The following TMTC1 variants were observed in gnomAD, a reference collection of about 807,000 sequenced individuals.
TMTC1 encodes transmembrane O-mannosyltransferase targeting cadherins 1.
Under a neutral mutation model 104.8 loss-of-function variants are expected in TMTC1, and 73 were observed. The observed-to-expected ratio is 0.70, with a 90% CI of 0.58 to 0.85. The LOEUF (loss-of-function observed/expected upper bound fraction) is 0.85. TMTC1 is among the 40% of genes least tolerant of loss of function. The probability of loss-of-function intolerance (pLI) is 0.00; values close to 1 mark genes in which losing one functional copy is unlikely to be tolerated. For missense variants in TMTC1, 1,035 were observed against 1,096.1 expected (o/e 0.94, Z 0.79); for synonymous variants, 434 against 428.7 (o/e 1.01, Z -0.15).
At chr12:29,517,986 A>C (rs1234402154) in intron 13 of TMTC1, among the ~76,000 whole-genome samples, 1 of 152,136 alleles carries the variant, frequency 6.6e-6, no homozygotes, top group Non-Finnish European at 1.5e-5. Flanking sequence ...AAGTGCTGGG[A>C]TTACAGGCAT....
chr12:29,652,414 G>A (rs1161230641), intron 5 of TMTC1, among the ~76,000 whole-genome samples: 1 of 152,234 alleles, frequency 6.6e-6, no homozygotes, highest in African/African-American at 2.4e-5. Flanking sequence ...ACAGAGCAGA[G>A]TTACCGCCTC....
chr12:29,632,132 C>T (rs1938329451), intron 6 of TMTC1, among the ~76,000 whole-genome samples: 1 of 152,106 alleles, frequency 6.6e-6, no homozygotes, highest in Non-Finnish European at 1.5e-5. Context: ...TGTTTCTTTC[C>T]CAAACCAAAT....
intron 10 of TMTC1, 37 bp downstream of exon 10, chr12:29,556,820 G>T (rs373149669): frequency 1.3e-4 from 215 of 1,611,500 alleles, no homozygotes; most frequent in Non-Finnish European, 1.8e-4. Context: ...TCTTGGAATC[G>T]CAAGGCCACC....
Position 29,583,520 on chromosome 12 carries a change from C to T in TMTC1, c.1305G>A (p.Leu435=). Residue 435 remains leucine (L), a synonymous_variant, in exon 8 of 18, where the codon CTG becomes CTA. Coordinates refer to ENST00000539277, the MANE Select transcript of TMTC1 (RefSeq NM_001193451.2). The part of the protein sequence containing the change: ...VHGLSKLCTW[L]NRCGATTLIV... ...TCAGGGTGGTGGCCCCACATCGATTCAGCCAAGTGCAGAGCTTGCTCAGTC... is the reference window on the plus strand; with the variant it reads ...TCAGGGTGGTGGCCCCACATCGATTTAGCCAAGTGCAGAGCTTGCTCAGTC... The T allele has an allele frequency of 6.2e-7, 1 of 1,613,844 alleles. No individual in the cohort carries two copies. The highest frequency in any genetic ancestry group is 2.2e-5 in the East Asian group (1 of 44,822).
At position 29,737,134 on chromosome 12, in the gene TMTC1, G is replaced by A. The variant is rs558055105; in HGVS notation, c.938+14532C>T. On this transcript the variant is annotated intron_variant, in intron 5 of 17. Coordinates refer to ENST00000539277, the MANE Select transcript of TMTC1 (RefSeq NM_001193451.2). ...GAAGAATGACTTTCTGAAAAGTGCTGAGCCGGGTGCTCTGAACAGAGACAT... is the reference window on the plus strand; with the variant it reads ...GAAGAATGACTTTCTGAAAAGTGCTAAGCCGGGTGCTCTGAACAGAGACAT... 2.0e-5 allele frequency among the ~76,000 whole-genome samples: 3 copies of A among 152,340 alleles called. No individual in the cohort carries two copies. In the South Asian group the frequency reaches 6.2e-4, roughly 32 times the overall value.
At chr12:29,725,744 A>T (rs936825847) in intron 5 of TMTC1, among the ~76,000 whole-genome samples, 2 of 152,222 alleles carry the variant, frequency 1.3e-5, no homozygotes, top group African/African-American at 2.4e-5. Flanking sequence ...TTGATCTGCT[A>T]TTTCACAATG....
chr12:29,531,832 T>C (rs1174397590), intron 11 of TMTC1, among the ~76,000 whole-genome samples: 5 of 152,144 alleles, frequency 3.3e-5, no homozygotes, highest in Non-Finnish European at 7.4e-5. Flanking sequence ...TCCTTCTGGG[T>C]TTCTTTTATC....
At chr12:29,552,036 G>T (rs1431841830) in intron 10 of TMTC1, among the ~76,000 whole-genome samples, 1 of 152,106 alleles carries the variant, frequency 6.6e-6, no homozygotes, top group Non-Finnish European at 1.5e-5. Context: ...ATAATTCCAA[G>T]AATTCAAATG....
In TMTC1 at chr12:29,766,914, G is replaced by T. The variant is rs12313556; in HGVS notation, c.480+984C>A. On this transcript the variant is annotated intron_variant, in intron 2 of 17. Transcript: ENST00000539277. ...AAAAATGCCATCTGATTCATGGAAT[G>T]ATTAAATAAATATTTTAAAAAGGGC... 7.2e-3 allele frequency among the ~76,000 whole-genome samples: 1,084 copies of T among 151,316 alleles called. 11 individuals are homozygous for T. Among genetic ancestry groups the T allele is most frequent in the African/African-American group, 0.024 (1,009 of 41,310 alleles).
At chr12:29,517,323 A>C in intron 14 of TMTC1, 104 bp downstream of exon 14, 1 of 1,252,450 alleles carries the variant, frequency 8.0e-7, no homozygotes, top group Non-Finnish European at 1.1e-6. Flanking sequence ...TACAGTGGAT[A>C]TATTACGGCA....
At position 29,506,967 on chromosome 12, in the gene TMTC1, C is replaced by T; in HGVS notation, c.2528G>A (p.Arg843Lys). The part of the protein sequence containing the change: ...QHIKGKYVSA[R>K]AYYERALQLV... ...CTGTAAGGCTCTCTCATAATAAGCT[C>T]TTGCAGACACATATTTTCCCTGGGG... Residue 843 changes from arginine (R) to lysine (K), a missense_variant, in exon 18 of 18, where the codon AGA becomes AAA. By Grantham distance (26) the Arg-to-Lys change is conservative. Transcript: ENST00000539277. 1.2e-6 allele frequency: 2 copies of T among 1,613,948 alleles called. No individual in the cohort carries two copies. The highest frequency in any genetic ancestry group is 1.7e-6 in the Non-Finnish European group (2 of 1,179,826).
At chr12:29,592,520 A>G (rs754720736) in intron 7 of TMTC1, among the ~76,000 whole-genome samples, 2 of 152,170 alleles carry the variant, frequency 1.3e-5, no homozygotes, top group Non-Finnish European at 2.9e-5. Context: ...CAATTGGGAG[A>G]AAAATGCCAA....
At chr12:29,570,373 ACTGT>A (rs1050138190) in intron 9 of TMTC1, among the ~76,000 whole-genome samples, 1 of 152,244 alleles carries the variant, frequency 6.6e-6, no homozygotes, top group African/African-American at 2.4e-5. Context: ...CATTTTGGAA[ACTGT>A]CTTCCAATGA....
intron 6 of TMTC1, among the ~76,000 whole-genome samples, chr12:29,618,623 T>G (rs932481549): frequency 6.6e-6 from 1 of 152,116 alleles, no homozygotes; most frequent in African/African-American, 2.4e-5. Context: ...ACTCCCTTTA[T>G]AGGCTCCTTG....
chr12:29,752,475 C>A (rs964011021), intron 4 of TMTC1, among the ~76,000 whole-genome samples: 2 of 152,302 alleles, frequency 1.3e-5, no homozygotes, highest in Non-Finnish European at 1.5e-5. Flanking sequence ...AGTTAACGTG[C>A]ATCTATCCTT....
intron 3 of TMTC1, among the ~76,000 whole-genome samples, chr12:29,757,546 G>A (rs949524691): frequency 1.2e-4 from 19 of 152,132 alleles, no homozygotes; most frequent in Non-Finnish European, 2.1e-4. Context: ...AAGACTATAG[G>A]TCAATGAACT....
chr12:29,541,697 C>T (rs562614070), intron 10 of TMTC1, among the ~76,000 whole-genome samples: 17 of 132,928 alleles, frequency 1.3e-4, no homozygotes, highest in African/African-American at 4.8e-4. Flanking sequence ...CTTGCTCTGT[C>T]GCCCAGGCTG....
chr12:29,737,883 C>A (rs916261342), intron 5 of TMTC1, among the ~76,000 whole-genome samples: 1 of 152,158 alleles, frequency 6.6e-6, no homozygotes, highest in Non-Finnish European at 1.5e-5. Flanking sequence ...AATAGGCATT[C>A]CACAGGGACT....
Position 29,572,114 on chromosome 12 carries a change from G to A in TMTC1, c.1523C>T (p.Thr508Ile). ...CCTGTGTGGCGCTTACTTGAGAGCT[G>A]TTCTGTAGTGGTAGATCGCTTCCTT... ...RNKEAIYHYR[T>I]ALKLYPRHAS... is the part of the protein sequence containing the mutation. The change falls in exon 9 of 18, where the codon ACA (threonine) becomes ATA (isoleucine). Residue 508 changes from threonine to isoleucine, a missense_variant. Coordinates refer to ENST00000539277, the MANE Select transcript of TMTC1 (RefSeq NM_001193451.2). 2 of 1,613,732 alleles carry A rather than the reference G, an allele frequency of 1.2e-6. No homozygotes were observed. Among genetic ancestry groups the A allele is most frequent in the African/African-American group, 2.7e-5 (2 of 75,050 alleles).
Sources: gnomAD v4.1 joint callset for allele counts (sites outside exome capture counted in the v4.1 genomes callset) on GRCh38, gnomAD v4.1.1 for gene constraint, MANE v1.5 for transcripts, NCBI Gene and HGNC (gene_info 2026-07-23, HGNC 2026-07-21) for gene names.